Variants in SDHAF3 observed in about 807,000 individuals in gnomAD.
SDHAF3 encodes the protein succinate dehydrogenase complex assembly factor 3.
Under a neutral mutation model 11.5 loss-of-function variants are expected in SDHAF3, and 18 were observed. The observed-to-expected ratio is 1.56, with a 90% CI of 1.08 to 2.32. The LOEUF is 2.32. Among genes scored for constraint, SDHAF3 ranks in the 30% most tolerant of loss-of-function variants. SDHAF3 has a pLI of 0.00. For synonymous variants in SDHAF3, 72 were observed against 59.3 expected (o/e 1.21, Z -0.99); for missense variants, 200 against 154.4 (o/e 1.30, Z -1.57).
intron 1 of SDHAF3, among the ~76,000 whole-genome samples, chr7:97,170,373 T>C (rs1789587075): frequency 6.6e-6 from 1 of 152,198 alleles, no homozygotes; most frequent in South Asian, 2.1e-4. Context: ...ATTTTTAAAA[T>C]TAGTTTTATG....
chr7:97,135,949 A>C (rs1484306821), intron 1 of SDHAF3, among the ~76,000 whole-genome samples: 1 of 151,882 alleles, frequency 6.6e-6, no homozygotes, highest in Non-Finnish European at 1.5e-5. Flanking sequence ...GGCCTCCCAA[A>C]GTGCTGGGAT....
chr7:97,120,723 A>G (rs1004310620), intron 1 of SDHAF3, among the ~76,000 whole-genome samples: 2 of 152,176 alleles, frequency 1.3e-5, no homozygotes, highest in Admixed American at 6.5e-5. Context: ...TCCCTCACAC[A>G]CATCTAAACT....
At chr7:97,128,253 T>G (rs1791607138) in intron 1 of SDHAF3, among the ~76,000 whole-genome samples, 1 of 152,208 alleles carries the variant, frequency 6.6e-6, no homozygotes, top group Non-Finnish European at 1.5e-5. Context: ...AAACAGTTTA[T>G]CCTTGCAACA....
chr7:97,181,211 T>A lies in SDHAF3; in HGVS notation c.374T>A (p.Phe125Tyr). 6.2e-7 allele frequency: 1 copy of A among 1,611,754 alleles called. No homozygotes were observed. Among genetic ancestry groups the A allele is most frequent in the Non-Finnish European group, 8.5e-7 (1 of 1,179,150 alleles). Residue 125 changes from phenylalanine to tyrosine, a missense_variant, in exon 2 of 2, where the codon TTT becomes TAT. Transcript: ENST00000432641. ...ATTTCTGAGTCTATGAAACCAAAAT[T>A]TTAGTCTATACAACAAAGCTTAATA... ...FSISESMKPK[F>Y] is the part of the protein sequence containing the mutation.
At chr7:97,172,265 T>C (rs1465659624) in intron 1 of SDHAF3, among the ~76,000 whole-genome samples, 2 of 152,206 alleles carry the variant, frequency 1.3e-5, no homozygotes, top group Non-Finnish European at 2.9e-5. Flanking sequence ...TTGTTCTTTT[T>C]AACTATTGCA....
At chr7:97,164,444 G>A (rs1174358211) in intron 1 of SDHAF3, among the ~76,000 whole-genome samples, 4 of 148,848 alleles carry the variant, frequency 2.7e-5, no homozygotes, top group Non-Finnish European at 4.4e-5. Flanking sequence ...GTGCAATGGC[G>A]CAATCTCGGC....
chr7:97,162,554 G>A (rs567362924), intron 1 of SDHAF3, among the ~76,000 whole-genome samples: 2 of 152,220 alleles, frequency 1.3e-5, no homozygotes, highest in South Asian at 4.1e-4. Context: ...TCTACACACT[G>A]CTTTAAATGT....
chr7:97,176,076 C>G (rs1475114239), intron 1 of SDHAF3, among the ~76,000 whole-genome samples: 1 of 152,104 alleles, frequency 6.6e-6, no homozygotes, highest in East Asian at 1.9e-4. Flanking sequence ...ATACTTGTGA[C>G]CGTATTTTCA....
At chr7:97,168,768 A>C (rs1240313975) in intron 1 of SDHAF3, among the ~76,000 whole-genome samples, 1 of 152,058 alleles carries the variant, frequency 6.6e-6, no homozygotes, top group Non-Finnish European at 1.5e-5. Flanking sequence ...TACATTTTTT[A>C]TTATGTTACT....
rs986668420 is a variant in SDHAF3, at chr7:97,180,513, G to A, written c.175-499G>A. 3.9e-5 allele frequency among the ~76,000 whole-genome samples: 6 copies of A among 152,132 alleles called. 1 individual carries two copies. The highest frequency in any genetic ancestry group is 1.3e-4 in the Admixed American group (2 of 15,284). ...TATTGTGCTTACTCCCTGGGTGACA[G>A]GACCTGTACCCAAACTTGAGCATCA... On this transcript the variant is annotated intron_variant, in intron 1 of 1. Transcript: ENST00000432641.
intron 1 of SDHAF3, among the ~76,000 whole-genome samples, chr7:97,122,428 T>C (rs980474417): frequency 6.6e-6 from 1 of 151,826 alleles, no homozygotes; most frequent in Admixed American, 6.6e-5. Flanking sequence ...TAGATGGATG[T>C]AGTAATCCCA....
chr7:97,122,571 G>C (rs1018301217), intron 1 of SDHAF3, among the ~76,000 whole-genome samples: 1 of 151,866 alleles, frequency 6.6e-6, no homozygotes, highest in Non-Finnish European at 1.5e-5. Flanking sequence ...TATTAGTGAA[G>C]GAGAAGAAAA....
At chr7:97,130,456 G>T (rs1387238297) in intron 1 of SDHAF3, among the ~76,000 whole-genome samples, 1 of 152,160 alleles carries the variant, frequency 6.6e-6, no homozygotes, top group East Asian at 1.9e-4. Flanking sequence ...CCCCCAGAAG[G>T]GTCCTAGCTC....
intron 1 of SDHAF3, among the ~76,000 whole-genome samples, chr7:97,129,366 C>T (rs1791631020): frequency 1.3e-5 from 2 of 152,152 alleles, no homozygotes; most frequent in African/African-American, 4.8e-5. Flanking sequence ...ACTGTGGCCT[C>T]CTGTGTCTGC....
At chr7:97,137,868 CT>C (rs11381462) in intron 1 of SDHAF3, among the ~76,000 whole-genome samples, 255 of 69,096 alleles carry the variant, frequency 3.7e-3, no homozygotes, top group Middle Eastern at 0.015. Flanking sequence ...ATTCCATTCG[CT>C]TTTTTTTTTT....
chr7:97,177,440 TGTA>T (rs1789695306), intron 1 of SDHAF3, among the ~76,000 whole-genome samples: 1 of 151,982 alleles, frequency 6.6e-6, no homozygotes, highest in African/African-American at 2.4e-5. Flanking sequence ...AGGCACAGCT[TGTA>T]GTGAGCCGAG....
At chr7:97,135,633 C>A (rs1371910950) in intron 1 of SDHAF3, 2 of 71,090 alleles carry the variant, frequency 2.8e-5, no homozygotes, top group South Asian at 5.6e-4. Context: ...GATGTATGTG[C>A]GTGCGTGTGT....
In SDHAF3 at chr7:97,117,711, G is replaced by A. The variant is rs200626658; in HGVS notation, c.-13G>A. 38 of 1,606,228 alleles carry A rather than the reference G, an allele frequency of 2.4e-5. No individual in the cohort carries two copies. The highest frequency in any genetic ancestry group is 3.1e-5 in the Non-Finnish European group (36 of 1,175,912). On this transcript the variant is annotated 5_prime_UTR_variant, in exon 1 of 2. Transcript: ENST00000432641. The stretch of plus-strand genomic sequence containing the variant: ...CTCTGCGCAGGCGCAGTCGGCGGTC[G>A]GCGTGGGGCGCTATGCCGGGGCGGC...
intron 1 of SDHAF3, among the ~76,000 whole-genome samples, chr7:97,158,781 G>A (rs1211238526): frequency 1.3e-5 from 2 of 152,194 alleles, no homozygotes; most frequent in Non-Finnish European, 2.9e-5. Context: ...ACTAACAGGA[G>A]ATTTTTAACT....
Sources: gnomAD v4.1 joint callset for allele counts (sites outside exome capture counted in the v4.1 genomes callset) on GRCh38, gnomAD v4.1.1 for gene constraint, MANE v1.5 for transcripts, NCBI Gene and HGNC (gene_info 2026-07-23, HGNC 2026-07-21) for gene names.